The following CFAP221 variants were observed in gnomAD, a reference collection of about 807,000 sequenced individuals.
The protein encoded by CFAP221 is cilia- and flagella-associated protein 221.
CFAP221 carries 97 observed loss-of-function variants against 113.1 expected under a neutral mutation model. The observed-to-expected ratio is 0.86, with a 90% CI of 0.73 to 1.02. The LOEUF (loss-of-function observed/expected upper bound fraction) is 1.02, where lower values mean the gene tolerates loss of function less well. CFAP221 is among the 50% of genes least tolerant of loss of function. The pLI is 0.00. For synonymous variants in CFAP221, 331 were observed against 354.4 expected (o/e 0.93, Z 0.74); for missense variants, 1,025 against 1,013.4 (o/e 1.01, Z -0.16).
At chr2:119,626,235 T>C (rs1686300522) in intron 15 of CFAP221, among the ~76,000 whole-genome samples, 1 of 152,162 alleles carries the variant, frequency 6.6e-6, no homozygotes, top group Non-Finnish European at 1.5e-5. Flanking sequence ...ACCTGTCTAG[T>C]GCAGAATAAT....
chr2:119,549,007 C>G (rs1291593493), intron 2 of CFAP221, 78 bp from the exon 3 acceptor site: 3 of 943,332 alleles, frequency 3.2e-6, no homozygotes, highest in South Asian at 2.1e-5. Flanking sequence ...TTAAAGAAAG[C>G]TATGTTAATA....
intron 6 of CFAP221, among the ~76,000 whole-genome samples, chr2:119,583,902 C>T (rs1338008808): frequency 1.3e-5 from 2 of 152,184 alleles, no homozygotes; most frequent in Non-Finnish European, 2.9e-5. Flanking sequence ...CCAAATCTGC[C>T]AGCACCTTGA....
chr2:119,592,369 T>G (rs1261677642), intron 7 of CFAP221, among the ~76,000 whole-genome samples: 1 of 152,248 alleles, frequency 6.6e-6, no homozygotes, highest in Non-Finnish European at 1.5e-5. Flanking sequence ...AGCCACTGTC[T>G]TCTTCAACTG....
At chr2:119,658,942 G>A (rs1276558502), downstream of CFAP221, among the ~76,000 whole-genome samples, 1 of 149,074 alleles carries the variant, frequency 6.7e-6, no homozygotes, top group Non-Finnish European at 1.5e-5. Flanking sequence ...AGTGAGCCAT[G>A]ATCACACCAC....
In CFAP221 at chr2:119,586,997, C is replaced by G. The variant is rs1024786346; in HGVS notation, c.528-122C>G. The G allele has an allele frequency of 6.3e-6, 4 of 636,348 alleles. No homozygotes were observed. In the African/African-American group the frequency reaches 7.5e-5, roughly 12 times the overall value. The allele number at this position is 636,348 out of a possible 1,614,324, so 39.4% of individuals were successfully genotyped here. A position where few individuals can be genotyped will look rare whatever the true frequency, so the allele number is the denominator to read the frequency against. ...GGTTACTCCTGGCACACAGGAAGTG[C>G]CAGATCAGCATTGGCAGTCATCATT... On this transcript the variant is annotated intron_variant, in intron 6 of 23. Transcript: ENST00000413369.
At chr2:119,550,535 C>T (rs1680345405) in intron 3 of CFAP221, among the ~76,000 whole-genome samples, 1 of 152,198 alleles carries the variant, frequency 6.6e-6, no homozygotes, top group South Asian at 2.1e-4. Flanking sequence ...TCTTACAACA[C>T]AGCATCAAAG....
chr2:119,637,719 C>G (rs899281064), intron 19 of CFAP221, among the ~76,000 whole-genome samples: 3 of 152,158 alleles, frequency 2.0e-5, no homozygotes, highest in African/African-American at 4.8e-5. Flanking sequence ...AACAGGATCT[C>G]CCTTAAAACC....
chr2:119,570,558 A>T (rs2104568094), intron 6 of CFAP221, among the ~76,000 whole-genome samples: 1 of 152,270 alleles, frequency 6.6e-6, no homozygotes, highest in African/African-American at 2.4e-5. Context: ...GCCAAAGCTG[A>T]TTTTACTTTC....
At chr2:119,609,975 G>A (rs1685038388) in intron 12 of CFAP221, among the ~76,000 whole-genome samples, 2 of 152,120 alleles carry the variant, frequency 1.3e-5, no homozygotes, top group African/African-American at 4.8e-5. Context: ...TTTAGGAAAA[G>A]CACATATTAG....
rs548209240 is a variant in CFAP221 at position 119,635,146 on chromosome 2, A to G, written c.1975-3113A>G. The stretch of plus-strand genomic sequence containing the variant: ...AGAATAATACATCATTAACAATGCA[A>G]ATTAAAACGTCAATGAGATCTCTCT... On this transcript the variant is annotated intron_variant, in intron 19 of 23. Coordinates refer to ENST00000413369, the MANE Select transcript of CFAP221 (RefSeq NM_001271049.2). Among the ~76,000 whole-genome samples the G allele has an allele frequency of 2.2e-4, 34 of 152,358 alleles. No homozygotes were observed. In the East Asian group the frequency reaches 6.4e-3, roughly 29 times the overall value.
intron 14 of CFAP221, among the ~76,000 whole-genome samples, chr2:119,620,789 CA>C (rs1344526564): frequency 6.6e-6 from 1 of 152,116 alleles, no homozygotes; most frequent in African/African-American, 2.4e-5. Flanking sequence ...TTAAAAGATA[CA>C]GACTGGCAAA....
At position 119,625,639 on chromosome 2, in the gene CFAP221, A is replaced by G; in HGVS notation, c.1467A>G (p.Lys489=). The change falls in exon 15 of 24, where the codon AAA becomes AAG. Residue 489 remains lysine, a synonymous_variant. Transcript: ENST00000413369. ...TGAGTGCTGTTCGTGAAATGGACAAAGAGAGTATACTGAGAAAGATTGGCC... is the reference window on the plus strand; with the variant it reads ...TGAGTGCTGTTCGTGAAATGGACAAGGAGAGTATACTGAGAAAGATTGGCC... The part of the protein sequence containing the change: ...NMLSAVREMD[K]ESILRKIGQA... 1 of 1,613,996 alleles carries G rather than the reference A, an allele frequency of 6.2e-7. No individual in the cohort carries two copies. Among genetic ancestry groups the G allele is most frequent in the Non-Finnish European group, 8.5e-7 (1 of 1,179,824 alleles).
chr2:119,646,817 A>G (rs1687840045), intron 21 of CFAP221, 141 bp from the exon 22 acceptor site: 4 of 625,002 alleles, frequency 6.4e-6, no homozygotes, highest in Non-Finnish European at 1.0e-5. Context: ...GGGAACCATA[A>G]ATGGCTTTTC....
intron 6 of CFAP221, among the ~76,000 whole-genome samples, chr2:119,564,860 T>C (rs969247039): frequency 6.6e-6 from 1 of 152,192 alleles, no homozygotes; most frequent in Non-Finnish European, 1.5e-5. Flanking sequence ...CCTTGTAAAG[T>C]ACATGGCTCC....
At chr2:119,655,627 C>A (rs1688381887) in intron 23 of CFAP221, among the ~76,000 whole-genome samples, 1 of 152,188 alleles carries the variant, frequency 6.6e-6, no homozygotes, top group Admixed American at 6.5e-5. Context: ...AACCAAAACA[C>A]TCGTCATTTC....
chr2:119,551,022 T>C (rs1029348652), intron 3 of CFAP221, among the ~76,000 whole-genome samples: 13 of 152,262 alleles, frequency 8.5e-5, no homozygotes, highest in Non-Finnish European at 8.8e-5. Context: ...CTCTTGTGAC[T>C]GACTTCTTTC....
chr2:119,638,228 G>A, intron 19 of CFAP221, 31 bp from the exon 20 acceptor site: 2 of 1,612,128 alleles, frequency 1.2e-6, no homozygotes, highest in Non-Finnish European at 1.7e-6. Flanking sequence ...CTGGTAAACA[G>A]AAAAGAATAT....
downstream of CFAP221, among the ~76,000 whole-genome samples, chr2:119,658,595 T>C (rs1688525153): frequency 6.6e-6 from 1 of 151,922 alleles, no homozygotes; most frequent in Admixed American, 6.6e-5. Context: ...AATACAAGTA[T>C]TTATACTGAG....
intron 19 of CFAP221, among the ~76,000 whole-genome samples, chr2:119,634,044 G>T (rs1215324540): frequency 6.6e-6 from 1 of 152,134 alleles, no homozygotes; most frequent in Admixed American, 6.5e-5. Context: ...GGAGTTCAAG[G>T]CTGCAGTAAG....
Sources: allele counts gnomAD v4.1 joint callset (sites outside exome capture counted in the v4.1 genomes callset), GRCh38; gene constraint gnomAD v4.1.1; transcripts MANE v1.5; gene names NCBI Gene and HGNC (gene_info 2026-07-23, HGNC 2026-07-21).